The following ADORA2B variants were observed in gnomAD, a reference collection of about 807,000 sequenced individuals.
ADORA2B encodes adenosine receptor A2b.
In ADORA2B, 18 loss-of-function variants were observed where a neutral mutation model predicts 20.8. The ratio of observed to expected loss-of-function variants is 0.87; its 90% CI spans 0.60 to 1.29. The LOEUF is 1.29. Among genes scored for constraint, ADORA2B ranks in the 50% most tolerant of loss-of-function variants. ADORA2B has a pLI of 0.00. For synonymous variants in ADORA2B, 179 were observed against 178.3 expected (o/e 1.00, Z -0.03); for missense variants, 441 against 422.7 (o/e 1.04, Z -0.38).
intron 1 of ADORA2B, among the ~76,000 whole-genome samples, chr17:15,954,065 G>A (rs917752908): frequency 2.6e-5 from 4 of 151,706 alleles, no homozygotes; most frequent in Middle Eastern, 3.4e-3. Context: ...TGCAACCTCC[G>A]ATTCCCAGAT....
chr17:15,893,490 C>T, the ADORA2B span, among the ~76,000 whole-genome samples: 2 of 150,836 alleles, frequency 1.3e-5, no homozygotes, highest in Admixed American at 1.3e-4. Flanking sequence ...TCCTTCCTTC[C>T]CTCCCTCCCT....
At chr17:15,851,441 G>A in the ADORA2B span, among the ~76,000 whole-genome samples, 1 of 151,428 alleles carries the variant, frequency 6.6e-6, no homozygotes, top group Admixed American at 6.6e-5. Flanking sequence ...ACAGCCACAG[G>A]TGCAGTCCAT....
At chr17:15,895,358 T>C in the ADORA2B span, among the ~76,000 whole-genome samples, 19 of 152,212 alleles carry the variant, frequency 1.2e-4, no homozygotes, top group African/African-American at 4.6e-4. Flanking sequence ...GCTTTGTTGG[T>C]GAAGCAGGCT....
intron 1 of ADORA2B, among the ~76,000 whole-genome samples, chr17:15,967,733 G>A (rs1970139079): frequency 2.0e-5 from 3 of 152,198 alleles, no homozygotes; most frequent in South Asian, 4.1e-4. Flanking sequence ...GAGAAAGAGC[G>A]AGGCGTTTCC....
At chr17:15,894,236 C>G in the ADORA2B span, among the ~76,000 whole-genome samples, 1 of 152,192 alleles carries the variant, frequency 6.6e-6, no homozygotes, top group Non-Finnish European at 1.5e-5. Context: ...ACTACACAGA[C>G]AAGCAAGCGG....
chr17:15,918,773 G>A, the ADORA2B span, among the ~76,000 whole-genome samples: 1 of 152,122 alleles, frequency 6.6e-6, no homozygotes, highest in African/African-American at 2.4e-5. Context: ...CTGGCCAACA[G>A]TGAATAATTT....
In ADORA2B at chr17:15,945,529, T is replaced by C; in HGVS notation, c.281T>C (p.Phe94Ser). 6.2e-7 allele frequency: 1 copy of C among 1,603,672 alleles called. No individual in the cohort carries two copies. Among genetic ancestry groups the C allele is most frequent in the Non-Finnish European group, 8.5e-7 (1 of 1,176,376 alleles). ...CTGGTGCTCACGCAGAGCTCCATCT[T>C]CAGCCTTCTGGCCGTGGCAGTCGAC... Reference protein sequence around the residue: ...FVLVLTQSSIFSLLAVAVDRY... With the variant: ...FVLVLTQSSISSLLAVAVDRY... Residue 94 changes from phenylalanine (F) to serine (S), a missense_variant, in exon 1 of 2, where the codon TTC becomes TCC. Phe to Ser is a radical substitution (Grantham distance 155). Transcript: ENST00000304222.
chr17:15,958,260 T>C (rs1043468416), intron 1 of ADORA2B, among the ~76,000 whole-genome samples: 3 of 152,174 alleles, frequency 2.0e-5, no homozygotes, highest in Admixed American at 6.5e-5. Context: ...TCAGGTGATC[T>C]GCCCACCTCG....
At chr17:15,852,034 A>G in the ADORA2B span, among the ~76,000 whole-genome samples, 188 of 152,286 alleles carry the variant, frequency 1.2e-3, no homozygotes, top group Non-Finnish European at 3.8e-4. Flanking sequence ...TTTATTTTTT[A>G]TATGTGTGAA....
chr17:15,885,088 T>C, the ADORA2B span, among the ~76,000 whole-genome samples: 2 of 152,214 alleles, frequency 1.3e-5, no homozygotes, highest in Admixed American at 1.3e-4. Context: ...ATCCATTGTT[T>C]CTTGACTTTT....
intron 1 of ADORA2B, 106 bp downstream of exon 1, chr17:15,945,689 C>T: frequency 8.9e-7 from 1 of 1,128,732 alleles, no homozygotes; most frequent in South Asian, 1.6e-5. Flanking sequence ...ACGGGCCAGG[C>T]TGGGGGCGCG....
chr17:15,908,012 G>A, the ADORA2B span, among the ~76,000 whole-genome samples: 1 of 152,170 alleles, frequency 6.6e-6, no homozygotes, highest in Admixed American at 6.5e-5. Flanking sequence ...GGGAGCCTGG[G>A]GAATTAGAAA....
rs753197314 is a variant in ADORA2B, at chr17:15,975,362, CAGG to C, written c.*23_*25del. The C allele has an allele frequency of 5.0e-5, 79 of 1,594,368 alleles. 1 individual carries two copies. The highest frequency in any genetic ancestry group is 2.3e-4 in the South Asian group (21 of 89,714). On this transcript the variant is annotated 3_prime_UTR_variant, in exon 2 of 2. Transcript: ENST00000304222. ...CTATGATCTAGGCTCTCGCCTCTTC[CAGG>C]AGAAGATACAAATCCACAAGAAACA...
chr17:15,928,181 G>A, the ADORA2B span, among the ~76,000 whole-genome samples: 11 of 152,250 alleles, frequency 7.2e-5, no homozygotes, highest in East Asian at 1.4e-3. Context: ...CCTGAGGGGC[G>A]GCTATTGGGT....
chr17:15,869,477 G>C, the ADORA2B span, among the ~76,000 whole-genome samples: 1 of 152,070 alleles, frequency 6.6e-6, no homozygotes, highest in African/African-American at 2.4e-5. Context: ...CATATTCTTT[G>C]TATCAAAGGT....
chr17:15,946,766 G>A (rs757693328), intron 1 of ADORA2B, among the ~76,000 whole-genome samples: 6 of 152,100 alleles, frequency 3.9e-5, no homozygotes, highest in Non-Finnish European at 7.4e-5. Flanking sequence ...TGTCAGAGCC[G>A]GGGCTTGAAC....
chr17:15,859,985 C>G, the ADORA2B span, among the ~76,000 whole-genome samples: 1 of 152,140 alleles, frequency 6.6e-6, no homozygotes, highest in South Asian at 2.1e-4. Context: ...ACAGACAGCC[C>G]GGCACCACAC....
At chr17:15,899,824 C>T in the ADORA2B span, among the ~76,000 whole-genome samples, 1 of 151,498 alleles carries the variant, frequency 6.6e-6, no homozygotes, top group African/African-American at 2.4e-5. Context: ...ATATGTACCA[C>T]ATTTTCTTTT....
chr17:15,870,346 A>T, the ADORA2B span, among the ~76,000 whole-genome samples: 1 of 151,224 alleles, frequency 6.6e-6, no homozygotes, highest in African/African-American at 2.4e-5. Flanking sequence ...TGTAGTTCAA[A>T]TCCTATTTGG....
Sources: allele counts gnomAD v4.1 joint callset (sites outside exome capture counted in the v4.1 genomes callset), GRCh38; gene constraint gnomAD v4.1.1; transcripts MANE v1.5; gene names NCBI Gene and HGNC (gene_info 2026-07-23, HGNC 2026-07-21).